BCO1: variants seen among roughly 807,000 people sequenced by gnomAD.
BCO1 encodes the protein beta,beta-carotene 15,15'-dioxygenase.
BCO1 carries 54 observed loss-of-function variants against 56.3 expected under a neutral mutation model. The ratio of observed to expected loss-of-function variants is 0.96; its 90% CI spans 0.77 to 1.20. The LOEUF (loss-of-function observed/expected upper bound fraction) is 1.20. BCO1 is among the 50% of genes most tolerant of loss of function. BCO1 has a pLI of 0.00. For missense variants in BCO1, 801 were observed against 690.9 expected (o/e 1.16, Z -1.79); for synonymous variants, 318 against 266.1 (o/e 1.20, Z -1.90).
At chr16:81,286,866 CAGG>C (rs1229266677) in intron 9 of BCO1, among the ~76,000 whole-genome samples, 1 of 151,212 alleles carries the variant, frequency 6.6e-6, no homozygotes, top group Non-Finnish European at 1.5e-5. Flanking sequence ...CACCTGAGGT[CAGG>C]AGTTCAAGAC....
intron 8 of BCO1, among the ~76,000 whole-genome samples, chr16:81,282,154 A>G (rs1907919052): frequency 6.6e-6 from 1 of 152,192 alleles, no homozygotes; most frequent in Admixed American, 6.5e-5. Context: ...TGAGGTGGGC[A>G]GATCACTTGA....
chr16:81,287,449 C>A, intron 10 of BCO1, 43 bp downstream of exon 10: 1 of 1,486,650 alleles, frequency 6.7e-7, no homozygotes, highest in Non-Finnish European at 9.4e-7. Context: ...CACGTTACTG[C>A]AGATCGCCCT....
chr16:81,286,258 G>C (rs768475437), intron 9 of BCO1, among the ~76,000 whole-genome samples: 1 of 152,114 alleles, frequency 6.6e-6, no homozygotes. Context: ...TGCTGTGCAG[G>C]TGTCACTTCT....
At chr16:81,267,523 G>A (rs2151940210) in intron 5 of BCO1, among the ~76,000 whole-genome samples, 1 of 152,332 alleles carries the variant, frequency 6.6e-6, no homozygotes, top group South Asian at 2.1e-4. Flanking sequence ...TGAGGCAGGA[G>A]AATTGCTTGA....
intron 2 of BCO1, among the ~76,000 whole-genome samples, chr16:81,246,836 G>C (rs1905447719): frequency 1.0e-5 from 1 of 99,540 alleles, no homozygotes; most frequent in Non-Finnish European, 2.2e-5. Context: ...GGGAGACAGA[G>C]CCAGACTTTG....
intron 1 of BCO1, among the ~76,000 whole-genome samples, chr16:81,243,802 G>A (rs569776864): frequency 6.6e-6 from 1 of 152,258 alleles, no homozygotes; most frequent in East Asian, 1.9e-4. Flanking sequence ...GGTTCCTCCA[G>A]AGGCAAGAAT....
chr16:81,269,800 G>T (rs1907070595), intron 6 of BCO1, among the ~76,000 whole-genome samples: 1 of 152,146 alleles, frequency 6.6e-6, no homozygotes, highest in South Asian at 2.1e-4. Context: ...CTGGCACCTG[G>T]CAGATTCTCC....
At chr16:81,246,195 C>T (rs923870630) in intron 2 of BCO1, among the ~76,000 whole-genome samples, 1 of 152,088 alleles carries the variant, frequency 6.6e-6, no homozygotes, top group Non-Finnish European at 1.5e-5. Flanking sequence ...CTCCTTCCAT[C>T]CTCACACCTC....
chr16:81,242,181 G>T (rs534563232), intron 1 of BCO1, among the ~76,000 whole-genome samples: 44 of 147,046 alleles, frequency 3.0e-4, no homozygotes, highest in African/African-American at 6.0e-4. Flanking sequence ...CAAGGCAAGA[G>T]ACTTGGCTGT....
chr16:81,247,741 T>C (rs1905508701), intron 2 of BCO1, among the ~76,000 whole-genome samples: 1 of 151,950 alleles, frequency 6.6e-6, no homozygotes, highest in Non-Finnish European at 1.5e-5. Flanking sequence ...GGTCAGGCTG[T>C]TCTCGAACTT....
intron 6 of BCO1, among the ~76,000 whole-genome samples, 161 bp downstream of exon 6, chr16:81,268,292 C>T (rs2151940802): frequency 6.6e-6 from 1 of 152,238 alleles, no homozygotes; most frequent in South Asian, 2.1e-4. Flanking sequence ...GCTGGATGGT[C>T]CTTCAGAATG....
chr16:81,276,694 C>T (rs1043775539), intron 7 of BCO1, among the ~76,000 whole-genome samples: 3 of 152,164 alleles, frequency 2.0e-5, no homozygotes, highest in Admixed American at 6.5e-5. Context: ...CTACTAACTA[C>T]GAGTTGTTAT....
At chr16:81,276,336 G>A (rs1232316445) in intron 7 of BCO1, among the ~76,000 whole-genome samples, 1 of 152,200 alleles carries the variant, frequency 6.6e-6, no homozygotes, top group African/African-American at 2.4e-5. Flanking sequence ...ACCCAGAGGG[G>A]TGCTTCCACC....
intron 2 of BCO1, among the ~76,000 whole-genome samples, chr16:81,246,244 C>A (rs936542792): frequency 7.9e-5 from 12 of 152,194 alleles, no homozygotes; most frequent in Middle Eastern, 3.4e-3. Context: ...CTTATAAGGA[C>A]CCTTGTGATT....
At chr16:81,275,903 G>T (rs1053417857) in intron 7 of BCO1, among the ~76,000 whole-genome samples, 7 of 152,198 alleles carry the variant, frequency 4.6e-5, no homozygotes, top group Admixed American at 3.3e-4. Context: ...CTGAGGCAGG[G>T]CTTAGCAGTG....
chr16:81,278,747 C>G (rs59347282), intron 7 of BCO1, among the ~76,000 whole-genome samples: 2 of 152,154 alleles, frequency 1.3e-5, no homozygotes, highest in South Asian at 2.1e-4. Flanking sequence ...ACCAGCAATG[C>G]TCTTGCTTCT....
At position 81,238,805 on chromosome 16, in the gene BCO1, C is replaced by A; in HGVS notation, c.-104C>A. On this transcript the variant is annotated 5_prime_UTR_variant, in exon 1 of 11. Coordinates refer to ENST00000258168, the MANE Select transcript of BCO1 (RefSeq NM_017429.3). ...ACAGAGATGTGAAGGAGGGAAGGAG[C>A]AGGAGAGCAGGAAGGAAACGCAGGA... The A allele has an allele frequency of 1.0e-6, 1 of 966,282 alleles. No homozygotes were observed. Among genetic ancestry groups the A allele is most frequent in the South Asian group, 1.3e-5 (1 of 76,540 alleles). The allele number at this position is 966,282 out of a possible 1,614,324, so 59.9% of individuals were successfully genotyped here.
intron 7 of BCO1, 79 bp from the exon 8 acceptor site, chr16:81,280,778 A>G: frequency 1.9e-6 from 2 of 1,077,434 alleles, no homozygotes; most frequent in Non-Finnish European, 2.8e-6. Context: ...AAGCATTTTA[A>G]AAAATATATA....
At chr16:81,277,313 A>G (rs1033385010) in intron 7 of BCO1, among the ~76,000 whole-genome samples, 1 of 152,108 alleles carries the variant, frequency 6.6e-6, no homozygotes, top group African/African-American at 2.4e-5. Context: ...GCTAATCTTC[A>G]TCACAATGTT....
Sources: allele counts gnomAD v4.1 joint callset (sites outside exome capture counted in the v4.1 genomes callset), GRCh38; gene constraint gnomAD v4.1.1; transcripts MANE v1.5; gene names NCBI Gene and HGNC (gene_info 2026-07-23, HGNC 2026-07-21).